ATF2: variants seen among roughly 807,000 people sequenced by gnomAD.
The protein encoded by ATF2 is activating transcription factor 2, also known as cyclic AMP-dependent transcription factor ATF-2.
A neutral mutation model predicts 60.6 loss-of-function variants in ATF2; 24 were observed. That is an observed-to-expected ratio of 0.40 (90% CI 0.29 to 0.56). The LOEUF (loss-of-function observed/expected upper bound fraction) is 0.56. Among genes scored for constraint, ATF2 ranks in the 20% least tolerant of loss-of-function variants. The pLI is 0.54. For synonymous variants in ATF2, 206 were observed against 215.4 expected, an observed-to-expected ratio of 0.96 and a Z score of 0.38; for missense variants, 433 against 607.7, an observed-to-expected ratio of 0.71 and a Z score of 3.02.
rs551316141 is a variant in ATF2, at chr2:175,091,213, G to T, written c.1185+1848C>A. Among the ~76,000 whole-genome samples the T allele has an allele frequency of 3.9e-5, 6 of 152,206 alleles. No individual in the cohort carries two copies. The South Asian group carries it at 1.2e-3, about 32-fold the overall frequency. ...TCTTACTAGTTAAAATTTTCTGTAC[G>T]AAGAAACCCTTGAATTGACTGATTT... On this transcript the variant is annotated intron_variant, in intron 12 of 13. Coordinates refer to ENST00000264110, the MANE Select transcript of ATF2 (RefSeq NM_001880.4).
chr2:175,088,349 C>T (rs971559773), intron 12 of ATF2, among the ~76,000 whole-genome samples: 1 of 151,966 alleles, frequency 6.6e-6, no homozygotes, highest in Non-Finnish European at 1.5e-5. Flanking sequence ...GCTATTTTTT[C>T]CTATTTCAAG....
intron 1 of ATF2, among the ~76,000 whole-genome samples, chr2:175,163,220 AAAAACC>A (rs1290957386): frequency 6.6e-6 from 1 of 152,004 alleles, no homozygotes; most frequent in East Asian, 1.9e-4. Flanking sequence ...GTAAAATTAG[AAAAACC>A]AAAGCTATAA....
chr2:175,167,039 C>T (rs139759763), intron 1 of ATF2, among the ~76,000 whole-genome samples: 2 of 152,168 alleles, frequency 1.3e-5, no homozygotes, highest in African/African-American at 4.8e-5. Context: ...ATTTCTGATG[C>T]CTAAGGTCCA....
intron 13 of ATF2, chr2:175,080,358 T>C (rs1693679952): frequency 5.5e-6 from 1 of 183,344 alleles, no homozygotes; most frequent in East Asian, 1.3e-4. Context: ...GACAAAGTGT[T>C]ATCCTGAGAA....
At chr2:175,123,358 T>G (rs1405349629) in intron 4 of ATF2, among the ~76,000 whole-genome samples, 2 of 152,056 alleles carry the variant, frequency 1.3e-5, no homozygotes, top group African/African-American at 4.8e-5. Flanking sequence ...TAGTTTATGT[T>G]TCAAAGAACC....
chr2:175,167,909 C>T, intron 1 of ATF2, 141 bp downstream of exon 1: 1 of 374,080 alleles, frequency 2.7e-6, no homozygotes, highest in Non-Finnish European at 5.5e-6. Context: ...GCCCCAAGGG[C>T]TAAGGAGCAC....
chr2:175,145,728 T>C (rs1019874760), intron 2 of ATF2, among the ~76,000 whole-genome samples: 1 of 152,180 alleles, frequency 6.6e-6, no homozygotes. Context: ...CCTTCCTTAC[T>C]TTCTGGCACA....
chr2:175,079,293 A>G (rs1422158296), intron 13 of ATF2, among the ~76,000 whole-genome samples: 2 of 152,156 alleles, frequency 1.3e-5, no homozygotes, highest in South Asian at 2.1e-4. Context: ...TTTCCTTTTA[A>G]TTTTATAAAA....
chr2:175,139,597 C>T (rs1044555277), intron 2 of ATF2, among the ~76,000 whole-genome samples: 3 of 149,068 alleles, frequency 2.0e-5, no homozygotes, highest in Non-Finnish European at 3.0e-5. Flanking sequence ...TGCTTAAACC[C>T]GGGAGGCCGA....
intron 1 of ATF2, among the ~76,000 whole-genome samples, chr2:175,163,154 A>C (rs1700127855): frequency 3.5e-5 from 1 of 28,306 alleles, no homozygotes; most frequent in African/African-American, 1.0e-4. Context: ...TAAATAAATA[A>C]ATAAATAAAT....
chr2:175,107,340 C>A (rs62184466), intron 10 of ATF2, among the ~76,000 whole-genome samples: 6,679 of 152,146 alleles, frequency 0.044, 253 homozygotes, highest in East Asian at 0.2. Context: ...GGAATGTAAA[C>A]CTTTGGGTAA....
intron 2 of ATF2, among the ~76,000 whole-genome samples, chr2:175,142,184 T>A (rs62184519): frequency 6.8e-6 from 1 of 147,448 alleles, no homozygotes. Context: ...CAGTTTTCTT[T>A]TCTTTTTTTT....
intron 12 of ATF2, among the ~76,000 whole-genome samples, chr2:175,085,549 AACAT>A (rs1215550400): frequency 2.7e-5 from 2 of 74,778 alleles, no homozygotes; most frequent in Non-Finnish European, 5.2e-5. Flanking sequence ...ATAAATACAT[AACAT>A]ACACACACAC....
chr2:175,152,392 G>A (rs1699368076), intron 1 of ATF2, among the ~76,000 whole-genome samples: 1 of 152,160 alleles, frequency 6.6e-6, no homozygotes, highest in Non-Finnish European at 1.5e-5. Context: ...CACATACTCA[G>A]TCTACAAAAC....
chr2:175,117,396 T>C (rs1696655411), intron 7 of ATF2, among the ~76,000 whole-genome samples: 1 of 152,050 alleles, frequency 6.6e-6, no homozygotes, highest in Admixed American at 6.6e-5. Context: ...ATGTGTCCCA[T>C]TGCCCTTCGC....
At chr2:175,131,236 G>A (rs1046603473) in intron 3 of ATF2, among the ~76,000 whole-genome samples, 1 of 152,214 alleles carries the variant, frequency 6.6e-6, no homozygotes, top group African/African-American at 2.4e-5. Context: ...GTGCAAGGAT[G>A]ACACTTGGGG....
chr2:175,104,690 A>G (rs947036157), intron 10 of ATF2, among the ~76,000 whole-genome samples: 1 of 152,202 alleles, frequency 6.6e-6, no homozygotes, highest in Non-Finnish European at 1.5e-5. Context: ...AGTTGGGATG[A>G]CAGAATTGTT....
chr2:175,145,054 G>A (rs1264719064), intron 2 of ATF2, among the ~76,000 whole-genome samples: 1 of 152,220 alleles, frequency 6.6e-6, no homozygotes, highest in Non-Finnish European at 1.5e-5. Flanking sequence ...GACATTTGAA[G>A]ATACTAATGG....
chr2:175,098,614 G>T (rs1574357879), intron 10 of ATF2, among the ~76,000 whole-genome samples: 2 of 152,170 alleles, frequency 1.3e-5, no homozygotes, highest in East Asian at 3.8e-4. Flanking sequence ...AAACTTCTTA[G>T]AAATACATAA....
Sources: gnomAD v4.1 joint callset for allele counts (sites outside exome capture counted in the v4.1 genomes callset) on GRCh38, gnomAD v4.1.1 for gene constraint, MANE v1.5 for transcripts, NCBI Gene and HGNC (gene_info 2026-07-23, HGNC 2026-07-21) for gene names.